NPSR1: variants seen among roughly 807,000 people sequenced by gnomAD.
The protein encoded by NPSR1 is neuropeptide S receptor.
In NPSR1, 48 loss-of-function variants were observed where a neutral mutation model predicts 46.9. That is an observed-to-expected ratio of 1.02 (90% confidence interval 0.81 to 1.30). NPSR1 has a LOEUF of 1.30. Among genes scored for constraint, NPSR1 ranks in the 50% most tolerant of loss-of-function variants. The probability of loss-of-function intolerance (pLI) is 0.00; values close to 1 mark genes in which losing one functional copy is unlikely to be tolerated. For synonymous variants in NPSR1, 176 were observed against 168.1 expected, an observed-to-expected ratio of 1.05 and a Z score of -0.36; for missense variants, 450 against 449.5, an observed-to-expected ratio of 1.00 and a Z score of -0.01.
At chr7:34,848,766 G>A in intron 8 of NPSR1, 103 bp downstream of exon 8, 1 of 1,029,616 alleles carries the variant, frequency 9.7e-7, no homozygotes, top group Non-Finnish European at 1.4e-6. Flanking sequence ...CAGGTTACAG[G>A]ATCCCCCTTT....
At chr7:34,836,645 G>GAGAA (rs1790381976) in intron 6 of NPSR1, among the ~76,000 whole-genome samples, 1 of 147,034 alleles carries the variant, frequency 6.8e-6, no homozygotes, top group South Asian at 2.2e-4. Context: ...AAGAAAGAAA[G>GAGAA]AGAAAGAAAG....
In NPSR1 at chr7:34,715,451, C is replaced by T. The variant is rs534308664; in HGVS notation, c.280+30767C>T. On this transcript the variant is annotated intron_variant, in intron 2 of 8. Coordinates refer to ENST00000360581, the MANE Select transcript of NPSR1 (RefSeq NM_207172.2). Reference sequence around the variant, plus strand: ...GGAATTGTCAGTCAGCCCTACAGAACCTTCTGTCTGGCCTTATCTTAAACT... The same window carrying T: ...GGAATTGTCAGTCAGCCCTACAGAATCTTCTGTCTGGCCTTATCTTAAACT... Among the ~76,000 whole-genome samples, 10 of 152,346 alleles carry T rather than the reference C, an allele frequency of 6.6e-5. No individual in the cohort carries two copies. The South Asian group carries it at 1.9e-3, about 28-fold the overall frequency.
chr7:34,724,161 C>T (rs1195089287), intron 2 of NPSR1, among the ~76,000 whole-genome samples: 1 of 152,186 alleles, frequency 6.6e-6, no homozygotes, highest in African/African-American at 2.4e-5. Flanking sequence ...TATTGACTTT[C>T]TTTTTATTAT....
chr7:34,683,095 G>A (rs1792732890), intron 1 of NPSR1, among the ~76,000 whole-genome samples: 1 of 151,968 alleles, frequency 6.6e-6, no homozygotes, highest in South Asian at 2.1e-4. Flanking sequence ...ATCCAGGATG[G>A]AGAGCCTAAA....
At chr7:34,778,952 G>A (rs1787109551) in intron 3 of NPSR1, among the ~76,000 whole-genome samples, 1 of 152,056 alleles carries the variant, frequency 6.6e-6, no homozygotes, top group East Asian at 1.9e-4. Context: ...AAACCAAGGG[G>A]AATTTGTTGG....
At chr7:34,718,394 C>A (rs1187251887) in intron 2 of NPSR1, among the ~76,000 whole-genome samples, 2 of 152,192 alleles carry the variant, frequency 1.3e-5, no homozygotes, top group East Asian at 1.9e-4. Flanking sequence ...AGACAAAGGA[C>A]AGCTCAGGAT....
chr7:34,795,115 G>C (rs1324709672), intron 3 of NPSR1, among the ~76,000 whole-genome samples: 1 of 152,038 alleles, frequency 6.6e-6, no homozygotes, highest in Non-Finnish European at 1.5e-5. Context: ...TTCAACACTG[G>C]ATATCAGTTA....
intron 2 of NPSR1, among the ~76,000 whole-genome samples, chr7:34,758,633 G>A (rs974291403): frequency 6.6e-6 from 1 of 152,170 alleles, no homozygotes; most frequent in Admixed American, 6.5e-5. Flanking sequence ...AAATCTTCAA[G>A]AGTAGTACAA....
chr7:34,863,016 A>G (rs1791225521), intron 8 of NPSR1, among the ~76,000 whole-genome samples: 2 of 151,808 alleles, frequency 1.3e-5, no homozygotes, highest in Non-Finnish European at 2.9e-5. Context: ...ACAGCATGAT[A>G]CTGGTACCAA....
intron 2 of NPSR1, among the ~76,000 whole-genome samples, chr7:34,758,555 T>C (rs373630144): frequency 6.6e-6 from 1 of 152,230 alleles, no homozygotes; most frequent in African/African-American, 2.4e-5. Flanking sequence ...AGCAACCATA[T>C]GTGTCTTCCC....
intron 2 of NPSR1, among the ~76,000 whole-genome samples, chr7:34,754,429 C>T (rs1456267130): frequency 4.0e-5 from 6 of 151,428 alleles, no homozygotes; most frequent in Non-Finnish European, 7.4e-5. Context: ...ATCCGGTGCA[C>T]GCAAGTATCA....
intron 4 of NPSR1, among the ~76,000 whole-genome samples, chr7:34,827,037 G>GTAGA (rs1789888652): frequency 6.6e-6 from 1 of 152,170 alleles, no homozygotes; most frequent in South Asian, 2.1e-4. Context: ...CTGCATATGG[G>GTAGA]TAGACACAAC....
At chr7:34,713,880 A>G (rs189091795) in intron 2 of NPSR1, among the ~76,000 whole-genome samples, 32 of 152,378 alleles carry the variant, frequency 2.1e-4, no homozygotes, top group African/African-American at 7.7e-4. Context: ...CACTGGACAC[A>G]TTCAGGGAAC....
At chr7:34,814,367 G>A (rs1279746598) in intron 4 of NPSR1, among the ~76,000 whole-genome samples, 4 of 152,272 alleles carry the variant, frequency 2.6e-5, no homozygotes, top group Non-Finnish European at 5.9e-5. Context: ...TGAGGCATGA[G>A]TAGGTAAACA....
At chr7:34,841,395 G>A (rs1013657680) in intron 6 of NPSR1, among the ~76,000 whole-genome samples, 1 of 152,208 alleles carries the variant, frequency 6.6e-6, no homozygotes, top group African/African-American at 2.4e-5. Flanking sequence ...TTTTCAGCAT[G>A]TGTCCCCATT....
intron 8 of NPSR1, among the ~76,000 whole-genome samples, chr7:34,872,301 C>T (rs1451142211): frequency 3.9e-5 from 6 of 151,936 alleles, no homozygotes; most frequent in East Asian, 1.9e-4. Context: ...GAAGCAAGGC[C>T]GTAGGCCTGG....
downstream of NPSR1, among the ~76,000 whole-genome samples, chr7:34,852,148 A>T (rs1790948915): frequency 6.6e-6 from 1 of 152,046 alleles, no homozygotes; most frequent in Admixed American, 6.5e-5. Flanking sequence ...AAATACAAAA[A>T]GATTAGCCAG....
intron 2 of NPSR1, among the ~76,000 whole-genome samples, chr7:34,739,830 T>C (rs755006881): frequency 2.4e-4 from 37 of 152,192 alleles, no homozygotes; most frequent in Non-Finnish European, 4.7e-4. Flanking sequence ...AAATGGACTC[T>C]GTGAAGTTCC....
chr7:34,793,335 G>A (rs970501469), intron 3 of NPSR1, among the ~76,000 whole-genome samples: 1 of 152,036 alleles, frequency 6.6e-6, no homozygotes, highest in Non-Finnish European at 1.5e-5. Flanking sequence ...GAATATATGA[G>A]AAACTCAAAC....
Sources: allele counts gnomAD v4.1 joint callset (sites outside exome capture counted in the v4.1 genomes callset), GRCh38; gene constraint gnomAD v4.1.1; transcripts MANE v1.5; gene names NCBI Gene and HGNC (gene_info 2026-07-23, HGNC 2026-07-21).